TIMM23B: variants seen among roughly 807,000 people sequenced by gnomAD.
The protein encoded by TIMM23B is mitochondrial import inner membrane translocase subunit Tim23B.
Under a neutral mutation model 27.3 loss-of-function variants are expected in TIMM23B, and 27 were observed. The ratio of observed to expected loss-of-function variants is 0.99; its 90% CI spans 0.73 to 1.36. The LOEUF (loss-of-function observed/expected upper bound fraction) is 1.36, where lower values mean the gene tolerates loss of function less well. TIMM23B is among the 40% of genes most tolerant of loss of function. The pLI is 0.00. For synonymous variants in TIMM23B, 73 were observed against 92.4 expected, an observed-to-expected ratio of 0.79 and a Z score of 1.21; for missense variants, 205 against 244.2, an observed-to-expected ratio of 0.84 and a Z score of 1.07.
chr10:49,966,188 GAAATA>G (rs1488501738), intron 6 of TIMM23B, among the ~76,000 whole-genome samples: 14 of 149,290 alleles, frequency 9.4e-5, no homozygotes, highest in Admixed American at 2.0e-4. Context: ...ATCTCTAAAT[GAAATA>G]AAATGAAATG....
At chr10:49,965,661 A>G (rs1554855293) in intron 6 of TIMM23B, among the ~76,000 whole-genome samples, 1 of 150,016 alleles carries the variant, frequency 6.7e-6, no homozygotes, top group Admixed American at 6.7e-5. Context: ...CTCGAAATGA[A>G]ATGAAACAAA....
chr10:49,955,795 T>C (rs1384855175), intron 5 of TIMM23B, among the ~76,000 whole-genome samples: 5 of 152,202 alleles, frequency 3.3e-5, no homozygotes, highest in Non-Finnish European at 7.3e-5. Context: ...AGTAAGGTCC[T>C]GCCTTGTCAC....
intron 6 of TIMM23B, among the ~76,000 whole-genome samples, chr10:49,964,803 G>A (rs1183326462): frequency 2.6e-5 from 4 of 151,694 alleles, no homozygotes; most frequent in African/African-American, 9.8e-5. Flanking sequence ...ATGAAATGAA[G>A]AAATAATGAA....
chr10:49,974,067 TG>T lies in TIMM23B; in HGVS notation c.*1006del, dbSNP rs1256239268. The T allele has an allele frequency of 1.4e-5, 2 of 139,692 alleles. No homozygotes were observed. Among genetic ancestry groups the T allele is most frequent in the African/African-American group, 5.6e-5 (2 of 35,620 alleles). 8.7% of individuals were successfully genotyped at this position (139,692 alleles called of 1,614,324 possible). On this transcript the variant is annotated 3_prime_UTR_variant, in exon 7 of 7. Transcript: ENST00000651259. ...CACCCACCTTGGCCTCCCAAAGTGTTGGGATTACAGGTGTGAGCCACCGTGC... is the reference window on the plus strand; with the variant it reads ...CACCCACCTTGGCCTCCCAAAGTGTTGGATTACAGGTGTGAGCCACCGTGC...
intron 5 of TIMM23B, among the ~76,000 whole-genome samples, chr10:49,955,983 G>A (rs1839706413): frequency 6.6e-6 from 1 of 152,034 alleles, no homozygotes; most frequent in South Asian, 2.1e-4. Flanking sequence ...GTCCTTGTCT[G>A]CCTAGGACTT....
intron 6 of TIMM23B, among the ~76,000 whole-genome samples, chr10:49,963,726 G>C (rs1840005484): frequency 6.6e-6 from 1 of 152,318 alleles, no homozygotes; most frequent in South Asian, 2.1e-4. Flanking sequence ...AGCACTTTGG[G>C]AGGCTGAGGA....
At position 49,974,224 on chromosome 10, in the gene TIMM23B, AAGG is replaced by A. The variant is rs1840569299; in HGVS notation, c.*1163_*1165del. 1.4e-5 allele frequency: 2 copies of A among 145,256 alleles called. No individual in the cohort carries two copies. The highest frequency in any genetic ancestry group is 2.0e-4 in the East Asian group (1 of 5,014). 9.0% of individuals were successfully genotyped at this position (145,256 alleles called of 1,614,324 possible). A position where few individuals can be genotyped will look rare whatever the true frequency, so the allele number is the denominator to read the frequency against. ...ATGAACAATTTTCATAACTCCATAA[AAGG>A]AGAATTATGGCATCATCTATTTCTT... On this transcript the variant is annotated 3_prime_UTR_variant, in exon 7 of 7. Coordinates refer to ENST00000651259, the MANE Select transcript of TIMM23B (RefSeq NM_001290117.2).
intron 6 of TIMM23B, among the ~76,000 whole-genome samples, chr10:49,963,742 G>C (rs1159283211): frequency 6.6e-6 from 1 of 152,166 alleles, no homozygotes; most frequent in African/African-American, 2.4e-5. Context: ...GAGGAGGGTG[G>C]ATCACCTGAG....
intron 6 of TIMM23B, among the ~76,000 whole-genome samples, chr10:49,962,960 T>C (rs1472015163): frequency 1.3e-5 from 2 of 149,394 alleles, no homozygotes; most frequent in African/African-American, 4.9e-5. Context: ...GGCATGATCT[T>C]GGCTCACAGC....
intron 6 of TIMM23B, among the ~76,000 whole-genome samples, chr10:49,959,410 A>C (rs1839825499): frequency 6.6e-6 from 1 of 152,194 alleles, no homozygotes; most frequent in African/African-American, 2.4e-5. Flanking sequence ...ACTGGGAGAT[A>C]AACATGTTGC....
chr10:49,959,487 T>C (rs1839827608), intron 6 of TIMM23B, among the ~76,000 whole-genome samples: 3 of 152,360 alleles, frequency 2.0e-5, no homozygotes, highest in Admixed American at 1.3e-4. Context: ...ATCCAAGTAA[T>C]GCCTAATTTA....
At position 49,943,945 on chromosome 10, in the gene TIMM23B, T is replaced by A. The variant is rs1405019926; in HGVS notation, c.107-1087T>A. Reference sequence around the variant, plus strand: ...AAAACATCTCAAGGGAGTTGACATTTGAGCTGTGACCCAAATACAGTACAA... The same window carrying A: ...AAAACATCTCAAGGGAGTTGACATTAGAGCTGTGACCCAAATACAGTACAA... On this transcript the variant is annotated intron_variant, in intron 1 of 6. Coordinates refer to ENST00000651259, the MANE Select transcript of TIMM23B (RefSeq NM_001290117.2). Among the ~76,000 whole-genome samples, 18 of 152,324 alleles carry A rather than the reference T, an allele frequency of 1.2e-4. No homozygotes were observed. The East Asian group carries it at 3.5e-3, about 29-fold the overall frequency.
At chr10:49,968,071 G>T (rs1840242729) in intron 6 of TIMM23B, among the ~76,000 whole-genome samples, 1 of 152,160 alleles carries the variant, frequency 6.6e-6, no homozygotes, top group Non-Finnish European at 1.5e-5. Context: ...TGCTGCCCTT[G>T]TACTGCCAAT....
At chr10:49,946,477 TAAAAC>T (rs1839359188) in intron 2 of TIMM23B, among the ~76,000 whole-genome samples, 2 of 152,162 alleles carry the variant, frequency 1.3e-5, no homozygotes, top group Admixed American at 1.3e-4. Context: ...AAAAATCTGT[TAAAAC>T]TAATGATCGA....
chr10:49,958,515 A>G (rs1839795742), intron 6 of TIMM23B, 35 bp downstream of exon 6: 2 of 1,601,204 alleles, frequency 1.2e-6, no homozygotes, highest in Admixed American at 1.7e-5. Flanking sequence ...ATCTCTTAAT[A>G]TACTTGAAGT....
In TIMM23B at chr10:49,942,094, G is replaced by A. The variant is rs1190162618; in HGVS notation, c.-101G>A. The A allele has an allele frequency of 2.0e-5, 27 of 1,380,468 alleles. No individual in the cohort carries two copies. The Middle Eastern group carries it at 1.0e-3, about 51-fold the overall frequency. The allele number at this position is 1,380,468 out of a possible 1,614,324, so 85.5% of individuals were successfully genotyped here. A position where few individuals can be genotyped will look rare whatever the true frequency, so the allele number is the denominator to read the frequency against. On this transcript the variant is annotated 5_prime_UTR_variant, in exon 1 of 7. Coordinates refer to ENST00000651259, the MANE Select transcript of TIMM23B (RefSeq NM_001290117.2). ...CGGAATGTCAGCGTGTGAAGTAGGC[G>A]CTGGCAACGCGGGGTTACCCGCTGT...
chr10:49,965,381 G>A (rs1304582889), intron 6 of TIMM23B, among the ~76,000 whole-genome samples: 1 of 151,928 alleles, frequency 6.6e-6, no homozygotes, highest in East Asian at 1.9e-4. Flanking sequence ...TCCAGCCTGG[G>A]TGATAGAGCG....
intron 6 of TIMM23B, among the ~76,000 whole-genome samples, chr10:49,961,120 C>T (rs1267885930): frequency 9.2e-5 from 14 of 151,986 alleles, no homozygotes; most frequent in South Asian, 2.1e-4. Flanking sequence ...CGGTGGCTCA[C>T]GCCTGTAATC....
chr10:49,964,811 G>A (rs1203019896), intron 6 of TIMM23B, among the ~76,000 whole-genome samples: 1 of 151,362 alleles, frequency 6.6e-6, no homozygotes, highest in Non-Finnish European at 1.5e-5. Flanking sequence ...AAGAAATAAT[G>A]AAATGAAATG....
Sources: allele counts gnomAD v4.1 joint callset (sites outside exome capture counted in the v4.1 genomes callset), GRCh38; gene constraint gnomAD v4.1.1; transcripts MANE v1.5; gene names NCBI Gene and HGNC (gene_info 2026-07-23, HGNC 2026-07-21).